Variants in PLEKHA1 observed in about 807,000 individuals in gnomAD.
The protein encoded by PLEKHA1 is pleckstrin homology domain containing A1.
PLEKHA1 carries 34 observed loss-of-function variants against 52.0 expected under a neutral mutation model. The ratio of observed to expected loss-of-function variants is 0.65; its 90% CI spans 0.50 to 0.87. PLEKHA1 has a LOEUF of 0.87. PLEKHA1 is among the 40% of genes least tolerant of loss of function. The probability of loss-of-function intolerance (pLI) is 0.00; values close to 1 mark genes in which losing one functional copy is unlikely to be tolerated. For synonymous variants in PLEKHA1, 163 were observed against 170.7 expected (o/e 0.95, Z 0.35); for missense variants, 497 against 504.2 (o/e 0.99, Z 0.14).
intron 1 of PLEKHA1, chr10:122,387,831 C>T (rs897441986): frequency 3.3e-5 from 5 of 152,172 alleles, no homozygotes; most frequent in African/African-American, 1.2e-4. Flanking sequence ...ACGGGGCAGT[C>T]TGAAGGCAGT....
chr10:122,401,250 G>A (rs2096924608), intron 4 of PLEKHA1, among the ~76,000 whole-genome samples: 1 of 152,182 alleles, frequency 6.6e-6, no homozygotes, highest in Admixed American at 6.5e-5. Context: ...CGAGCAATAG[G>A]TTTTATTACT....
intron 1 of PLEKHA1, among the ~76,000 whole-genome samples, chr10:122,384,688 C>T (rs935276083): frequency 6.6e-6 from 1 of 151,672 alleles, no homozygotes; most frequent in Non-Finnish European, 1.5e-5. Context: ...TGTGGTGGCT[C>T]ACACCTGTAA....
chr10:122,381,505 TTC>T (rs140120688), intron 1 of PLEKHA1, among the ~76,000 whole-genome samples: 2,987 of 152,308 alleles, frequency 0.02, 38 homozygotes, highest in Non-Finnish European at 0.03. Flanking sequence ...TACCTCTCTC[TTC>T]TCTCTTTCTT....
intron 1 of PLEKHA1, among the ~76,000 whole-genome samples, chr10:122,383,895 A>G (rs2096651457): frequency 6.6e-6 from 1 of 152,122 alleles, no homozygotes; most frequent in South Asian, 2.1e-4. Context: ...TTTCTCCTCT[A>G]GTTCCTTTTC....
intron 1 of PLEKHA1, among the ~76,000 whole-genome samples, chr10:122,378,760 AAAAC>A (rs1565100474): frequency 1.3e-5 from 2 of 151,832 alleles, no homozygotes; most frequent in African/African-American, 2.4e-5. Flanking sequence ...AAAAAACAGA[AAAAC>A]AAAAACAAAA....
At chr10:122,388,202 TC>T (rs2096727682) in intron 1 of PLEKHA1, among the ~76,000 whole-genome samples, 1 of 152,182 alleles carries the variant, frequency 6.6e-6, no homozygotes, top group African/African-American at 2.4e-5. Context: ...ACCAATCTAT[TC>T]CTTGTTGCTC....
At chr10:122,399,675 T>C (rs920714536) in intron 3 of PLEKHA1, among the ~76,000 whole-genome samples, 21 of 152,076 alleles carry the variant, frequency 1.4e-4, no homozygotes, top group Admixed American at 1.0e-3. Context: ...CTCCGTCCCC[T>C]GGGTTCACGC....
Position 122,427,044 on chromosome 10 carries a change from CTCTCTGGGGTG to C in PLEKHA1, c.900+14_900+24del, listed in dbSNP as rs746706972. ...ATCTGCGTCTTCTGTAGGTTTCCTG[CTCTCTGGGGTG>C]ATACTCCCTTGCGTCTCCCCCATCC... is the stretch of plus-strand genomic sequence containing the variant. On this transcript the variant is annotated intron_variant, in intron 11 of 11. Coordinates refer to ENST00000368990, the MANE Select transcript of PLEKHA1 (RefSeq NM_001001974.4). 8.3e-5 allele frequency: 134 copies of C among 1,606,006 alleles called. 1 individual carries two copies. Among genetic ancestry groups the C allele is most frequent in the Admixed American group, 1.2e-4 (7 of 59,956 alleles).
chr10:122,377,044 A>G (rs1372762553), intron 1 of PLEKHA1, among the ~76,000 whole-genome samples: 3 of 152,208 alleles, frequency 2.0e-5, no homozygotes, highest in Non-Finnish European at 4.4e-5. Flanking sequence ...TCATGCTGCA[A>G]ATCCCGAAGT....
chr10:122,406,134 T>C (rs2134441892), intron 4 of PLEKHA1, among the ~76,000 whole-genome samples: 1 of 152,312 alleles, frequency 6.6e-6, no homozygotes, highest in Middle Eastern at 3.4e-3. Flanking sequence ...GGTAGGAATG[T>C]GAATGGATTC....
intron 5 of PLEKHA1, among the ~76,000 whole-genome samples, chr10:122,408,321 GGTA>G (rs1480597060): frequency 1.3e-5 from 2 of 152,004 alleles, no homozygotes; most frequent in African/African-American, 4.8e-5. Flanking sequence ...ATTTATCAAT[GGTA>G]TGAAACAGTC....
At position 122,431,713 on chromosome 10, in the gene PLEKHA1, A is replaced by G. The variant is rs1381244130; in HGVS notation, c.*1775A>G. On this transcript the variant is annotated 3_prime_UTR_variant, in exon 12 of 12. Coordinates refer to ENST00000368990, the MANE Select transcript of PLEKHA1 (RefSeq NM_001001974.4). ...GCACCACTCAACTTTTTTATTCATA[A>G]GCTAATATTTTTTTAAAGTTACATT... 3.9e-5 allele frequency: 6 copies of G among 152,612 alleles called. No individual in the cohort carries two copies. The highest frequency in any genetic ancestry group is 7.3e-5 in the Non-Finnish European group (5 of 68,036). 9.5% of individuals were successfully genotyped at this position (152,612 alleles called of 1,614,324 possible).
At chr10:122,433,552 TC>T (rs2097427880), downstream of PLEKHA1, 3 of 152,074 alleles carry the variant, frequency 2.0e-5, no homozygotes, top group African/African-American at 7.2e-5. Flanking sequence ...TCAGTCTTTT[TC>T]TGAAGGCCAT....
At chr10:122,436,502 G>A (rs1024123384), downstream of PLEKHA1, 1 of 152,204 alleles carries the variant, frequency 6.6e-6, no homozygotes, top group Non-Finnish European at 1.5e-5. Flanking sequence ...ATAATCACTT[G>A]GTATAGGCTA....
At chr10:122,399,435 A>G (rs2096895787) in intron 3 of PLEKHA1, among the ~76,000 whole-genome samples, 1 of 152,174 alleles carries the variant, frequency 6.6e-6, no homozygotes, top group African/African-American at 2.4e-5. Flanking sequence ...TGCATTTAAT[A>G]AAGTGATCCC....
intron 1 of PLEKHA1, among the ~76,000 whole-genome samples, chr10:122,377,705 A>G (rs922185390): frequency 3.3e-5 from 5 of 152,240 alleles, no homozygotes; most frequent in Admixed American, 3.3e-4. Flanking sequence ...GAGCAATATT[A>G]AACCATTTGA....
At chr10:122,432,622 A>G (rs2097423611), downstream of PLEKHA1, 1 of 152,168 alleles carries the variant, frequency 6.6e-6, no homozygotes, top group Admixed American at 6.5e-5. Context: ...CAGAATTATC[A>G]TATGTTAGCC....
downstream of PLEKHA1, chr10:122,434,324 G>GA (rs1340312646): frequency 2.0e-5 from 3 of 152,138 alleles, no homozygotes; most frequent in African/African-American, 4.8e-5. Context: ...ATGGTTCAAG[G>GA]AAAAATACTG....
intron 11 of PLEKHA1, 27 bp from the exon 12 acceptor site, chr10:122,429,597 G>A (rs72832716): frequency 0.11 from 173,359 of 1,604,572 alleles, 10,063 homozygotes; most frequent in Middle Eastern, 0.16. Flanking sequence ...GTGACTGACC[G>A]TGTCTGACTG....
Sources: gnomAD v4.1 joint callset for allele counts (sites outside exome capture counted in the v4.1 genomes callset) on GRCh38, gnomAD v4.1.1 for gene constraint, MANE v1.5 for transcripts, NCBI Gene and HGNC (gene_info 2026-07-23, HGNC 2026-07-21) for gene names.